PTPRK: variants seen among roughly 807,000 people sequenced by gnomAD.
PTPRK encodes the protein protein tyrosine phosphatase receptor type K.
In PTPRK, 75 loss-of-function variants were observed where a neutral mutation model predicts 178.0. The ratio of observed to expected loss-of-function variants is 0.42; its 90% confidence interval spans 0.35 to 0.51. The LOEUF (loss-of-function observed/expected upper bound fraction) is 0.51, where lower values mean the gene tolerates loss of function less well. Ranked by LOEUF, PTPRK falls within the 20% of genes least tolerant of loss-of-function variation. PTPRK has a pLI of 0.02. For synonymous variants in PTPRK, 637 were observed against 620.6 expected (o/e 1.03, Z -0.39); for missense variants, 1,441 against 1,797.8 (o/e 0.80, Z 3.59).
At chr6:128,252,910 A>T (rs1290752094) in intron 3 of PTPRK, among the ~76,000 whole-genome samples, 1 of 152,134 alleles carries the variant, frequency 6.6e-6, no homozygotes, top group Non-Finnish European at 1.5e-5. Flanking sequence ...AGTACCACAA[A>T]CTCACTACCT....
chr6:128,234,457 A>T (rs1479030956), intron 5 of PTPRK, among the ~76,000 whole-genome samples: 1 of 152,190 alleles, frequency 6.6e-6, no homozygotes, highest in Admixed American at 6.5e-5. Flanking sequence ...TACCCTAGAG[A>T]ATTTCCCCCT....
intron 1 of PTPRK, among the ~76,000 whole-genome samples, chr6:128,406,946 G>C (rs898565432): frequency 6.6e-6 from 1 of 152,152 alleles, no homozygotes; most frequent in African/African-American, 2.4e-5. Context: ...AGTGTTAAAG[G>C]GGGGAATAGT....
At chr6:128,466,917 C>T (rs575748867) in intron 1 of PTPRK, among the ~76,000 whole-genome samples, 2 of 152,208 alleles carry the variant, frequency 1.3e-5, no homozygotes, top group East Asian at 3.9e-4. Flanking sequence ...CTGAATGATA[C>T]TAAAAATAAC....
At chr6:128,295,866 G>T (rs1824255413) in intron 3 of PTPRK, among the ~76,000 whole-genome samples, 1 of 152,028 alleles carries the variant, frequency 6.6e-6, no homozygotes, top group Non-Finnish European at 1.5e-5. Context: ...TCTATTCATG[G>T]CCAGTAGGCT....
At chr6:128,066,925 A>C (rs1387221931) in intron 12 of PTPRK, among the ~76,000 whole-genome samples, 1 of 152,272 alleles carries the variant, frequency 6.6e-6, no homozygotes, top group Non-Finnish European at 1.5e-5. Context: ...AGGAGGGGCA[A>C]CCAGGGAAAC....
At position 128,472,628 on chromosome 6, in the gene PTPRK, T is replaced by C. The variant is rs180999716; in HGVS notation, c.100+47631A>G. 143 of 277,036 alleles carry C rather than the reference T, an allele frequency of 5.2e-4. 1 individual carries two copies. The highest frequency in any genetic ancestry group is 3.1e-3 in the African/African-American group (134 of 43,466). The allele number at this position is 277,036 out of a possible 1,614,324, so 17.2% of individuals were successfully genotyped here. ...ATTTATTATATATAATTCTACATAT[T>C]AATATTTTTAAAACAACTTGAGAGT... is the stretch of plus-strand genomic sequence containing the variant. On this transcript the variant is annotated intron_variant, in intron 1 of 29. Transcript: ENST00000368226.
chr6:128,241,077 C>A (rs1336458338), intron 4 of PTPRK: 2 of 372,854 alleles, frequency 5.4e-6, no homozygotes, highest in African/African-American at 4.3e-5. Flanking sequence ...ACACAGCTCT[C>A]TTAAACTACA....
At position 128,414,816 on chromosome 6, in the gene PTPRK, T is replaced by C. The variant is rs140114634; in HGVS notation, c.101-17128A>G. Among the ~76,000 whole-genome samples the C allele has an allele frequency of 7.0e-3, 1,060 of 152,292 alleles. 12 individuals are homozygous for C. Among genetic ancestry groups the C allele is most frequent in the African/African-American group, 0.024 (989 of 41,576 alleles). Reference sequence around the variant, plus strand: ...ATTTACAAGTGTTTAAGTTTTATATTATTTAATATTTATGAATATTAATTT... The same window carrying C: ...ATTTACAAGTGTTTAAGTTTTATATCATTTAATATTTATGAATATTAATTT... On this transcript the variant is annotated intron_variant, in intron 1 of 29. Coordinates refer to ENST00000368226, the MANE Select transcript of PTPRK (RefSeq NM_002844.4).
intron 6 of PTPRK, among the ~76,000 whole-genome samples, chr6:128,217,826 C>T (rs922365365): frequency 6.6e-6 from 1 of 152,076 alleles, no homozygotes; most frequent in Non-Finnish European, 1.5e-5. Context: ...CAAATGCCTT[C>T]CATGATAGTT....
chr6:128,018,267 G>T (rs1377716467), intron 13 of PTPRK, among the ~76,000 whole-genome samples: 1 of 151,938 alleles, frequency 6.6e-6, no homozygotes, highest in Non-Finnish European at 1.5e-5. Flanking sequence ...CTCATAATTT[G>T]TCAAGGTATG....
intron 2 of PTPRK, among the ~76,000 whole-genome samples, chr6:128,368,385 A>G (rs867795019): frequency 6.7e-6 from 1 of 149,902 alleles, no homozygotes; most frequent in Non-Finnish European, 1.5e-5. Context: ...GTTCTGTTAA[A>G]AAAGAAAAAA....
At chr6:128,311,665 T>TA (rs1252109811) in intron 3 of PTPRK, among the ~76,000 whole-genome samples, 1 of 152,066 alleles carries the variant, frequency 6.6e-6, no homozygotes, top group African/African-American at 2.4e-5. Flanking sequence ...ATGCCCACCA[T>TA]AGTAGCTCAA....
chr6:128,194,558 A>G (rs1804539259), intron 6 of PTPRK, among the ~76,000 whole-genome samples: 1 of 152,190 alleles, frequency 6.6e-6, no homozygotes, highest in Non-Finnish European at 1.5e-5. Context: ...GCTTTGTCAG[A>G]GCTCAAACTG....
At chr6:128,101,657 CCT>C (rs1788804685) in intron 7 of PTPRK, among the ~76,000 whole-genome samples, 1 of 152,032 alleles carries the variant, frequency 6.6e-6, no homozygotes, top group Admixed American at 6.5e-5. Context: ...TTAGAGATTT[CCT>C]AGGATGAACA....
At chr6:128,013,160 A>G (rs1779230647) in intron 13 of PTPRK, among the ~76,000 whole-genome samples, 1 of 151,202 alleles carries the variant, frequency 6.6e-6, no homozygotes, top group African/African-American at 2.4e-5. Flanking sequence ...TTTTCCTGGG[A>G]CTTCCATGAA....
intron 3 of PTPRK, among the ~76,000 whole-genome samples, chr6:128,253,182 A>G (rs1816760312): frequency 6.6e-6 from 1 of 152,224 alleles, no homozygotes. Flanking sequence ...TTCATGGCTC[A>G]GTCTAATTTA....
At chr6:128,100,344 G>T (rs894953787) in intron 7 of PTPRK, among the ~76,000 whole-genome samples, 1 of 151,838 alleles carries the variant, frequency 6.6e-6, no homozygotes, top group Non-Finnish European at 1.5e-5. Flanking sequence ...TAAATTACTA[G>T]AATAAATATG....
At chr6:128,071,528 T>C (rs1782826466) in intron 11 of PTPRK, among the ~76,000 whole-genome samples, 2 of 152,080 alleles carry the variant, frequency 1.3e-5, no homozygotes, top group South Asian at 2.1e-4. Flanking sequence ...ATGCTACCTT[T>C]TCAAGATACT....
At chr6:128,038,196 AT>A (rs201897484) in intron 13 of PTPRK, among the ~76,000 whole-genome samples, 5 of 151,704 alleles carry the variant, frequency 3.3e-5, no homozygotes, top group East Asian at 1.9e-4. Flanking sequence ...AGATGCAGCA[AT>A]TTTTTTTTCT....
Sources: allele counts gnomAD v4.1 joint callset (sites outside exome capture counted in the v4.1 genomes callset), GRCh38; gene constraint gnomAD v4.1.1; transcripts MANE v1.5; gene names NCBI Gene and HGNC (gene_info 2026-07-23, HGNC 2026-07-21).